ANK2: variants seen among roughly 807,000 people sequenced by gnomAD.
The protein encoded by ANK2 is ankyrin 2.
In ANK2, 83 loss-of-function variants were observed where a neutral mutation model predicts 360.5. The ratio of observed to expected loss-of-function variants is 0.23; its 90% CI spans 0.19 to 0.28. ANK2 has a LOEUF of 0.28. Ranked by LOEUF, ANK2 falls within the 10% of genes least tolerant of loss-of-function variation. The pLI is 1.00. For synonymous variants in ANK2, 1,740 were observed against 1,759.5 expected (o/e 0.99, Z 0.28); for missense variants, 4,201 against 4,795.7 (o/e 0.88, Z 3.66).
chr4:112,934,528 G>A (rs1241786836), intron 2 of ANK2, among the ~76,000 whole-genome samples: 1 of 152,082 alleles, frequency 6.6e-6, no homozygotes, highest in Non-Finnish European at 1.5e-5. Flanking sequence ...AGTCAATTCA[G>A]TGGTATTTAT....
chr4:113,224,442 C>T (rs2099190211), intron 4 of ANK2, among the ~76,000 whole-genome samples: 2 of 152,178 alleles, frequency 1.3e-5, no homozygotes, highest in South Asian at 4.1e-4. Flanking sequence ...TCTGCACTTG[C>T]TGTATCTGTT....
chr4:112,731,518 T>A, the ANK2 span, among the ~76,000 whole-genome samples: 6 of 151,778 alleles, frequency 4.0e-5, no homozygotes, highest in Admixed American at 3.9e-4. Context: ...TCACTTGAGC[T>A]CAGGAGTTTG....
At chr4:113,339,405 T>C in intron 32 of ANK2, 83 bp downstream of exon 32, 3 of 1,148,702 alleles carry the variant, frequency 2.6e-6, no homozygotes, top group Non-Finnish European at 3.9e-6. Context: ...TGTTTCTTTA[T>C]TGTTTAAAAG....
chr4:113,378,279 G>A, intron 45 of ANK2: 1 of 444,536 alleles, frequency 2.2e-6, no homozygotes, highest in African/African-American at 2.1e-5. Flanking sequence ...CTACCCTAAA[G>A]AGGATAGAAA....
intron 2 of ANK2, among the ~76,000 whole-genome samples, chr4:113,010,515 A>G (rs1433221582): frequency 6.6e-6 from 1 of 152,174 alleles, no homozygotes; most frequent in African/African-American, 2.4e-5. Context: ...TGAACAAGAC[A>G]GTTAAGGTCC....
At chr4:112,767,016 A>G in the ANK2 span, among the ~76,000 whole-genome samples, 1 of 152,218 alleles carries the variant, frequency 6.6e-6, no homozygotes, top group East Asian at 1.9e-4. Flanking sequence ...TATGCAATGT[A>G]ATTTTAATGT....
At chr4:112,927,719 T>G (rs188367660) in intron 2 of ANK2, among the ~76,000 whole-genome samples, 1 of 152,238 alleles carries the variant, frequency 6.6e-6, no homozygotes, top group South Asian at 2.1e-4. Flanking sequence ...ACTATAGTCA[T>G]AAACTCCATT....
chr4:112,865,031 CAAAAAAAAAAAAAAAAAAAAAAA>C (rs56149739), intron 1 of ANK2, among the ~76,000 whole-genome samples: 11 of 52,506 alleles, frequency 2.1e-4, no homozygotes, highest in South Asian at 1.0e-3. Context: ...GACTCCATCT[CAAAAAAAAAAAAAAAAAAAAAAA>C]AAAAAAAAAA....
chr4:113,151,591 C>T (rs527918765), intron 1 of ANK2, among the ~76,000 whole-genome samples: 2 of 152,264 alleles, frequency 1.3e-5, no homozygotes, highest in South Asian at 2.1e-4. Context: ...TAGGCTCTGC[C>T]TCCAATATTG....
the ANK2 span, among the ~76,000 whole-genome samples, chr4:112,784,405 C>T: frequency 2.1e-5 from 3 of 145,266 alleles, no homozygotes; most frequent in African/African-American, 5.1e-5. Context: ...TCGCCCAGGC[C>T]GGAGTGCAGT....
intron 1 of ANK2, among the ~76,000 whole-genome samples, chr4:113,118,635 T>C (rs2095082809): frequency 6.6e-6 from 1 of 152,210 alleles, no homozygotes; most frequent in South Asian, 2.1e-4. Flanking sequence ...GGGAAAACTT[T>C]CATACTGCTT....
chr4:112,891,727 A>G (rs1053633425), intron 1 of ANK2, among the ~76,000 whole-genome samples: 1 of 152,208 alleles, frequency 6.6e-6, no homozygotes, highest in Non-Finnish European at 1.5e-5. Flanking sequence ...GAGGTTATAC[A>G]TGCATAGCAT....
intron 4 of ANK2, among the ~76,000 whole-genome samples, chr4:113,222,972 G>A (rs1239287667): frequency 1.3e-5 from 2 of 152,066 alleles, no homozygotes; most frequent in Admixed American, 1.3e-4. Context: ...CATATATTTT[G>A]TCCTTTTCCC....
In ANK2 at chr4:113,258,328, A is replaced by G. The variant is rs755979192; in HGVS notation, c.1303A>G (p.Ile435Val). 1.2e-6 allele frequency: 2 copies of G among 1,614,072 alleles called. No individual in the cohort carries two copies. The highest frequency in any genetic ancestry group is 1.1e-5 in the South Asian group (1 of 91,074). ...QAITESGLTP[I>V]HVAAFMGHLN... Reference sequence around the variant, plus strand: ...TGTTTCGCAGTCTGGCCTCACACCAATACATGTGGCTGCCTTCATGGGCCA... The same window carrying G: ...TGTTTCGCAGTCTGGCCTCACACCAGTACATGTGGCTGCCTTCATGGGCCA... Residue 435 changes from isoleucine to valine, a missense_variant, in exon 13 of 46, where the codon ATA becomes GTA. By Grantham distance (29) the Ile-to-Val change is conservative. Coordinates refer to ENST00000357077, the MANE Select transcript of ANK2 (RefSeq NM_001148.6).
chr4:112,820,290 T>G (rs2056627996), intron 1 of ANK2, among the ~76,000 whole-genome samples: 1 of 152,190 alleles, frequency 6.6e-6, no homozygotes, highest in Non-Finnish European at 1.5e-5. Flanking sequence ...GCACCTGTAG[T>G]TACAGTCTTA....
chr4:113,136,264 T>C (rs1365027070), intron 1 of ANK2, among the ~76,000 whole-genome samples: 1 of 152,136 alleles, frequency 6.6e-6, no homozygotes, highest in Non-Finnish European at 1.5e-5. Context: ...CACAGCAGGC[T>C]CCTAATCTTG....
intron 26 of ANK2, chr4:113,323,663 G>T: frequency 8.5e-7 from 1 of 1,182,730 alleles, no homozygotes; most frequent in Non-Finnish European, 1.2e-6. Context: ...AATGAATAAG[G>T]TATTGGTGTA....
intron 1 of ANK2, among the ~76,000 whole-genome samples, chr4:113,097,249 C>T (rs2091488101): frequency 6.6e-6 from 1 of 151,346 alleles, no homozygotes; most frequent in Non-Finnish European, 1.5e-5. Context: ...TAAATTATTC[C>T]CACAAAAAGG....
chr4:112,846,129 T>C (rs181988045), intron 1 of ANK2, among the ~76,000 whole-genome samples: 6 of 152,316 alleles, frequency 3.9e-5, no homozygotes, highest in East Asian at 3.9e-4. Flanking sequence ...TTCTTTCTTT[T>C]TTTTGAGATA....
Sources: gnomAD v4.1 joint callset for allele counts (sites outside exome capture counted in the v4.1 genomes callset) on GRCh38, gnomAD v4.1.1 for gene constraint, MANE v1.5 for transcripts, NCBI Gene and HGNC (gene_info 2026-07-23, HGNC 2026-07-21) for gene names.